Variants in MINDY3 observed in about 807,000 individuals in gnomAD.
MINDY3 encodes the protein ubiquitin carboxyl-terminal hydrolase MINDY-3.
A neutral mutation model predicts 69.2 loss-of-function variants in MINDY3; 38 were observed. That is an observed-to-expected ratio of 0.55 (90% CI 0.42 to 0.72). The LOEUF is 0.72. MINDY3 is among the 30% of genes least tolerant of loss of function. The pLI is 0.00. For synonymous variants in MINDY3, 192 were observed against 180.1 expected, an observed-to-expected ratio of 1.07 and a Z score of -0.53; for missense variants, 522 against 519.0, an observed-to-expected ratio of 1.01 and a Z score of -0.06.
intron 10 of MINDY3, among the ~76,000 whole-genome samples, chr10:15,809,753 AT>A (rs2131947848): frequency 6.6e-6 from 1 of 152,172 alleles, no homozygotes; most frequent in East Asian, 1.9e-4. Context: ...CAAAAATCTC[AT>A]TTACATAGGG....
At chr10:15,789,439 A>T in intron 11 of MINDY3, 120 bp from the exon 12 acceptor site, 1 of 652,348 alleles carries the variant, frequency 1.5e-6, no homozygotes, top group Non-Finnish European at 2.6e-6. Context: ...TTAACATACT[A>T]TTCCTTAAGT....
intron 10 of MINDY3, among the ~76,000 whole-genome samples, chr10:15,815,315 A>T (rs895822595): frequency 6.6e-6 from 1 of 152,214 alleles, no homozygotes; most frequent in Non-Finnish European, 1.5e-5. Flanking sequence ...TTAATTTTAA[A>T]GCTTTCCGTG....
chr10:15,837,495 A>T, intron 5 of MINDY3, 177 bp from the exon 6 acceptor site: 1 of 1,417,244 alleles, frequency 7.1e-7, no homozygotes, highest in Non-Finnish European at 9.5e-7. Flanking sequence ...GCTATTTCTG[A>T]CAACTATCAC....
chr10:15,833,886 A>C (rs1161799459), intron 7 of MINDY3, among the ~76,000 whole-genome samples, 177 bp from the exon 8 acceptor site: 1 of 152,048 alleles, frequency 6.6e-6, no homozygotes, highest in South Asian at 2.1e-4. Flanking sequence ...GTATCACCAA[A>C]TATATCAGCA....
intron 8 of MINDY3, 100 bp from the exon 9 acceptor site, chr10:15,821,826 C>G: frequency 1.1e-6 from 1 of 890,764 alleles, no homozygotes; most frequent in Non-Finnish European, 1.7e-6. Context: ...TTATACTACA[C>G]CAAAACTTTT....
intron 9 of MINDY3, among the ~76,000 whole-genome samples, chr10:15,820,949 A>T (rs926498222): frequency 1.3e-5 from 2 of 150,928 alleles, no homozygotes; most frequent in East Asian, 4.3e-4. Flanking sequence ...GTCTCTATTT[A>T]AAAAAATTTT....
At chr10:15,842,399 A>G (rs970080956) in intron 3 of MINDY3, among the ~76,000 whole-genome samples, 33 of 151,906 alleles carry the variant, frequency 2.2e-4, no homozygotes, top group Non-Finnish European at 8.8e-5. Context: ...AATATAGTGA[A>G]TATAGTATAA....
At chr10:15,829,132 CGACT>C (rs1437883401) in intron 8 of MINDY3, among the ~76,000 whole-genome samples, 51 of 152,194 alleles carry the variant, frequency 3.4e-4, no homozygotes, top group Non-Finnish European at 2.9e-4. Flanking sequence ...AGAATGAAGC[CGACT>C]GAGGTAAAGC....
intron 9 of MINDY3, chr10:15,817,460 A>AG (rs1421327359): frequency 2.0e-5 from 3 of 152,438 alleles, no homozygotes; most frequent in Non-Finnish European, 4.4e-5. Flanking sequence ...AAAGTTTCAC[A>AG]GTATGAACAG....
rs114592272 is a variant in MINDY3 at position 15,788,426 on chromosome 10, C to T, written c.1028+821G>A. Reference sequence around the variant, plus strand: ...AAGTATGACTGAACTCATCTAAAAACGGAACAAGACCAAATTCTAAAAACG... The same window carrying T: ...AAGTATGACTGAACTCATCTAAAAATGGAACAAGACCAAATTCTAAAAACG... On this transcript the variant is annotated intron_variant, in intron 12 of 14. Coordinates refer to ENST00000277632, the MANE Select transcript of MINDY3 (RefSeq NM_024948.4). Among the ~76,000 whole-genome samples, 454 of 152,126 alleles carry T rather than the reference C, an allele frequency of 3.0e-3. 4 individuals are homozygous for T. The highest frequency in any genetic ancestry group is 0.011 in the African/African-American group (437 of 41,518).
intron 11 of MINDY3, 108 bp downstream of exon 11, chr10:15,795,992 C>A (rs1487929952): frequency 1.2e-6 from 1 of 859,810 alleles, no homozygotes; most frequent in Non-Finnish European, 1.9e-6. Context: ...ACACAACTTA[C>A]ATTTCATTAA....
chr10:15,799,178 A>T (rs1469953578), intron 10 of MINDY3, among the ~76,000 whole-genome samples: 1 of 151,692 alleles, frequency 6.6e-6, no homozygotes, highest in African/African-American at 2.4e-5. Flanking sequence ...TATATTACAT[A>T]TTTTTTCCCC....
At chr10:15,855,001 C>G (rs1368620413) in intron 1 of MINDY3, among the ~76,000 whole-genome samples, 1 of 152,124 alleles carries the variant, frequency 6.6e-6, no homozygotes, top group African/African-American at 2.4e-5. Flanking sequence ...AAATTAAGAT[C>G]TGCTAAACTT....
At chr10:15,805,627 T>A (rs1838584938) in intron 10 of MINDY3, among the ~76,000 whole-genome samples, 2 of 152,168 alleles carry the variant, frequency 1.3e-5, no homozygotes, top group South Asian at 2.1e-4. Flanking sequence ...TACTTTTCTC[T>A]GAAATGGGCC....
intron 10 of MINDY3, among the ~76,000 whole-genome samples, chr10:15,814,659 G>A (rs1185572797): frequency 1.3e-5 from 2 of 152,096 alleles, no homozygotes; most frequent in Non-Finnish European, 2.9e-5. Context: ...AGGTGGGCGA[G>A]AGACAGCCCC....
At chr10:15,826,228 T>C (rs1384441017) in intron 8 of MINDY3, among the ~76,000 whole-genome samples, 1 of 152,170 alleles carries the variant, frequency 6.6e-6, no homozygotes, top group East Asian at 1.9e-4. Context: ...AGCCATCGAA[T>C]GGTTTTAAGG....
At chr10:15,834,424 A>G in intron 7 of MINDY3, 119 bp downstream of exon 7, 1 of 642,132 alleles carries the variant, frequency 1.6e-6, no homozygotes, top group Non-Finnish European at 2.8e-6. Flanking sequence ...AAATCCATAC[A>G]TGTTGTACTG....
intron 2 of MINDY3, among the ~76,000 whole-genome samples, chr10:15,844,863 GT>G (rs1818477334): frequency 6.6e-6 from 1 of 152,106 alleles, no homozygotes; most frequent in Non-Finnish European, 1.5e-5. Context: ...CCTAGTTACA[GT>G]TTTATTTTTA....
intron 1 of MINDY3, among the ~76,000 whole-genome samples, chr10:15,857,277 G>A (rs889157065): frequency 6.6e-6 from 1 of 152,054 alleles, no homozygotes; most frequent in Non-Finnish European, 1.5e-5. Context: ...ACTTCTGCAT[G>A]ACTAGCTGAG....
Sources: gnomAD v4.1 joint callset for allele counts (sites outside exome capture counted in the v4.1 genomes callset) on GRCh38, gnomAD v4.1.1 for gene constraint, MANE v1.5 for transcripts, NCBI Gene and HGNC (gene_info 2026-07-23, HGNC 2026-07-21) for gene names.